The following DPP6 variants were observed in gnomAD, a reference collection of about 807,000 sequenced individuals.
DPP6 encodes the protein dipeptidyl peptidase like 6, also known as A-type potassium channel modulatory protein DPP6.
A neutral mutation model predicts 122.6 loss-of-function variants in DPP6; 69 were observed. That is an observed-to-expected ratio of 0.56 (90% CI 0.46 to 0.69). DPP6 has a LOEUF of 0.69. Ranked by LOEUF, DPP6 falls within the 30% of genes least tolerant of loss-of-function variation. DPP6 has a pLI of 0.00. For missense variants in DPP6, 928 were observed against 1,116.9 expected (o/e 0.83, Z 2.41); for synonymous variants, 418 against 433.1 (o/e 0.97, Z 0.43).
chr7:154,864,056 G>T (rs1803648929), intron 17 of DPP6, among the ~76,000 whole-genome samples: 1 of 152,158 alleles, frequency 6.6e-6, no homozygotes, highest in Admixed American at 6.5e-5. Context: ...GAGAGGCCTG[G>T]ACTAGAAAGG....
At chr7:154,841,640 T>G (rs188932089) in intron 16 of DPP6, among the ~76,000 whole-genome samples, 287 of 152,082 alleles carry the variant, frequency 1.9e-3, no homozygotes, top group African/African-American at 6.3e-3. Flanking sequence ...ATGCCTATCA[T>G]GAGCCCTGAG....
chr7:154,085,315 A>G (rs1179692790), intron 1 of DPP6, among the ~76,000 whole-genome samples: 2 of 152,144 alleles, frequency 1.3e-5, no homozygotes, highest in Non-Finnish European at 2.9e-5. Context: ...GACATTCTGC[A>G]GTAATATCTA....
chr7:154,024,302 A>G (rs968132817), intron 1 of DPP6, among the ~76,000 whole-genome samples: 5 of 152,236 alleles, frequency 3.3e-5, no homozygotes, highest in Non-Finnish European at 5.9e-5. Flanking sequence ...ATAAGCATCA[A>G]AGCCACTTTT....
chr7:154,845,554 T>A (rs1475996636), intron 16 of DPP6, among the ~76,000 whole-genome samples: 1 of 152,260 alleles, frequency 6.6e-6, no homozygotes, highest in South Asian at 2.1e-4. Flanking sequence ...AGGAGATATA[T>A]GTAACGTAAA....
At chr7:153,897,538 T>C (rs1799463067) in intron 1 of DPP6, among the ~76,000 whole-genome samples, 1 of 152,214 alleles carries the variant, frequency 6.6e-6, no homozygotes, top group East Asian at 1.9e-4. Flanking sequence ...GCCTTTTAAC[T>C]ACAAAAATTT....
chr7:153,856,585 A>C, the DPP6 span, among the ~76,000 whole-genome samples: 1 of 152,244 alleles, frequency 6.6e-6, no homozygotes, highest in East Asian at 1.9e-4. Context: ...GTTAAGAGGA[A>C]TTCTTTACTG....
intron 8 of DPP6, among the ~76,000 whole-genome samples, chr7:154,736,702 T>C (rs1481836370): frequency 6.6e-6 from 1 of 152,240 alleles, no homozygotes; most frequent in African/African-American, 2.4e-5. Flanking sequence ...CTTCTCCAAA[T>C]AAGTCTAGTT....
At chr7:154,137,156 G>T (rs145282416) in intron 1 of DPP6, among the ~76,000 whole-genome samples, 1 of 152,058 alleles carries the variant, frequency 6.6e-6, no homozygotes, top group Non-Finnish European at 1.5e-5. Context: ...TTTCCACCCC[G>T]TTGAGGATGT....
chr7:154,137,292 A>G (rs1346025953), intron 1 of DPP6, among the ~76,000 whole-genome samples: 1 of 151,802 alleles, frequency 6.6e-6, no homozygotes, highest in Non-Finnish European at 1.5e-5. Flanking sequence ...CCTGCTGGAA[A>G]CCAGCCCTCT....
intron 3 of DPP6, among the ~76,000 whole-genome samples, chr7:154,487,388 G>A (rs561083143): frequency 1.4e-4 from 22 of 152,262 alleles, no homozygotes; most frequent in African/African-American, 5.3e-4. Context: ...TAATAGAGCA[G>A]ATGACAGGAT....
intron 8 of DPP6, among the ~76,000 whole-genome samples, chr7:154,731,539 A>G (rs1362982959): frequency 1.3e-5 from 2 of 152,212 alleles, no homozygotes; most frequent in Admixed American, 1.3e-4. Flanking sequence ...TGTGAGCTCA[A>G]CACTGGCTGT....
At chr7:154,236,053 A>G (rs1436148871) in intron 1 of DPP6, among the ~76,000 whole-genome samples, 1 of 152,074 alleles carries the variant, frequency 6.6e-6, no homozygotes, top group Admixed American at 6.5e-5. Context: ...GGGTTTCACC[A>G]TGTTGGCCAG....
At chr7:153,814,176 A>G in the DPP6 span, among the ~76,000 whole-genome samples, 1 of 152,090 alleles carries the variant, frequency 6.6e-6, no homozygotes, top group African/African-American at 2.4e-5. Context: ...TAAGTCTTTA[A>G]TCCAAGGACC....
At chr7:154,804,073 G>A (rs1587193979) in intron 14 of DPP6, 118 bp downstream of exon 14, 3 of 1,241,800 alleles carry the variant, frequency 2.4e-6, no homozygotes, top group Non-Finnish European at 3.4e-6. Flanking sequence ...TCCTCCTCAG[G>A]CAGCATCACT....
intron 6 of DPP6, among the ~76,000 whole-genome samples, chr7:154,650,814 T>G (rs530734074): frequency 6.6e-6 from 1 of 152,334 alleles, no homozygotes; most frequent in African/African-American, 2.4e-5. Flanking sequence ...CTGTAGCAGC[T>G]GTCTTCTCTA....
rs538536633 is a variant in DPP6, at chr7:154,327,376, G to A, written c.244-118838G>A. On this transcript the variant is annotated intron_variant, in intron 1 of 25. Transcript: ENST00000377770. The stretch of plus-strand genomic sequence containing the variant: ...AACATTCCCTTTTATTCTCAATAGC[G>A]TCCCAGTTTGGGCAATAAGTCATAT... Among the ~76,000 whole-genome samples the A allele has an allele frequency of 7.2e-5, 11 of 152,146 alleles. 1 individual carries two copies. The South Asian group carries it at 1.0e-3, about 14-fold the overall frequency.
chr7:154,669,333 GTT>G (rs1234224085), intron 6 of DPP6, 25 bp from the exon 7 acceptor site: 2 of 1,551,816 alleles, frequency 1.3e-6, no homozygotes, highest in South Asian at 2.4e-5. Context: ...ATTTTGCTTT[GTT>G]TTTGTTTGTT....
At chr7:153,910,234 CT>C (rs111816561) in intron 1 of DPP6, among the ~76,000 whole-genome samples, 176 of 137,596 alleles carry the variant, frequency 1.3e-3, no homozygotes, top group Admixed American at 1.3e-3. Context: ...TTCTTTCTTT[CT>C]TTTTTTTTTT....
intron 1 of DPP6, among the ~76,000 whole-genome samples, chr7:154,439,903 G>A (rs895019683): frequency 1.3e-5 from 2 of 152,190 alleles, no homozygotes; most frequent in Non-Finnish European, 2.9e-5. Flanking sequence ...TCCCAGGTGA[G>A]TCCATGAGGC....
Sources: gnomAD v4.1 joint callset for allele counts (sites outside exome capture counted in the v4.1 genomes callset) on GRCh38, gnomAD v4.1.1 for gene constraint, MANE v1.5 for transcripts, NCBI Gene and HGNC (gene_info 2026-07-23, HGNC 2026-07-21) for gene names.